Variants in TRPV4 observed in about 807,000 individuals in gnomAD.
TRPV4 encodes the protein transient receptor potential cation channel subfamily V member 4, also known as OSM9-like transient receptor potential channel 4.
TRPV4 carries 58 observed loss-of-function variants against 84.1 expected under a neutral mutation model. The ratio of observed to expected loss-of-function variants is 0.69; its 90% CI spans 0.56 to 0.86. The LOEUF is 0.86. TRPV4 is among the 40% of genes least tolerant of loss of function. TRPV4 has a pLI of 0.00. For missense variants in TRPV4, 879 were observed against 1,181.1 expected (o/e 0.74, Z 3.75); for synonymous variants, 489 against 500.9 (o/e 0.98, Z 0.32).
intron 3 of TRPV4, among the ~76,000 whole-genome samples, chr12:109,807,014 T>C (rs1311439020): frequency 1.3e-5 from 2 of 152,186 alleles, no homozygotes; most frequent in African/African-American, 4.8e-5. Context: ...CAGTGGCTCA[T>C]GCCTATAATC....
At chr12:109,818,133 C>A (rs1252451703) in intron 1 of TRPV4, among the ~76,000 whole-genome samples, 1 of 151,590 alleles carries the variant, frequency 6.6e-6, no homozygotes, top group African/African-American at 2.4e-5. Flanking sequence ...AGATTGAATC[C>A]CTCCATGGAC....
chr12:109,804,907 T>C (rs1425532799), intron 3 of TRPV4, among the ~76,000 whole-genome samples: 1 of 152,200 alleles, frequency 6.6e-6, no homozygotes, highest in East Asian at 1.9e-4. Context: ...ACAGGGTCTT[T>C]GCACCTGCTG....
At position 109,793,903 on chromosome 12, in the gene TRPV4, T is replaced by TG. The variant is rs56198703; in HGVS notation, c.1584+26dup. 7.9e-5 allele frequency: 106 copies of TG among 1,339,180 alleles called. No individual in the cohort carries two copies. The highest frequency in any genetic ancestry group is 1.0e-4 in the Non-Finnish European group (99 of 991,072). The allele number at this position is 1,339,180 out of a possible 1,614,324, so 83.0% of individuals were successfully genotyped here. On this transcript the variant is annotated intron_variant, in intron 9 of 15. Transcript: ENST00000261740. This position sits in a 1 kb window ranked among gnomAD's most constrained non-coding sequence, Gnocchi z 4.0. ...GAAGAGAAGAGGAGGGCAGGCAGGGTGGGGGGCACGGGGGCCAGGCACTTA... is the reference window on the plus strand; with the variant it reads ...GAAGAGAAGAGGAGGGCAGGCAGGGTGGGGGGGCACGGGGGCCAGGCACTTA...
At chr12:109,831,494 C>T (rs1024543423) in intron 1 of TRPV4, among the ~76,000 whole-genome samples, 20 of 152,262 alleles carry the variant, frequency 1.3e-4, no homozygotes, top group Non-Finnish European at 1.0e-4. Flanking sequence ...TGCCTTCACA[C>T]GCCTCAGGCT....
At chr12:109,792,892 C>T in intron 10 of TRPV4, 75 bp from the exon 11 acceptor site, 6 of 1,496,304 alleles carry the variant, frequency 4.0e-6, no homozygotes, top group Non-Finnish European at 4.6e-6. Flanking sequence ...GAAGACACGC[C>T]TCCAAGCCCT....
chr12:109,815,666 G>A lies in TRPV4; in HGVS notation c.-31-839C>T, dbSNP rs148079787. The stretch of plus-strand genomic sequence containing the variant: ...CCCAGGATCCATGCTCCTCTCCTCA[G>A]AAGCTTTATCCCAGCTGTTCACGGG... On this transcript the variant is annotated intron_variant, in intron 1 of 15. Transcript: ENST00000261740. The surrounding 1 kb of genome is among the most constrained non-coding windows in gnomAD (Gnocchi z 4.1). Among the ~76,000 whole-genome samples the A allele has an allele frequency of 4.8e-3, 736 of 152,336 alleles. 3 individuals are homozygous for A. The highest frequency in any genetic ancestry group is 6.8e-3 in the Non-Finnish European group (463 of 68,030).
At position 109,798,183 on chromosome 12, in the gene TRPV4, C is replaced by A. The variant is rs1194090456; in HGVS notation, c.1152+431G>T. 2.0e-5 allele frequency among the ~76,000 whole-genome samples: 3 copies of A among 152,216 alleles called. No homozygotes were observed. The highest frequency in any genetic ancestry group is 2.0e-4 in the Admixed American group (3 of 15,278). On this transcript the variant is annotated intron_variant, in intron 6 of 15. Coordinates refer to ENST00000261740, the MANE Select transcript of TRPV4 (RefSeq NM_021625.5). This position sits in a 1 kb window ranked among gnomAD's most constrained non-coding sequence, Gnocchi z 5.0. ...TGGCAATAGCACAAGACGGTCCCCA[C>A]CACAAAGAGCCTGCCGCCCAAAATA... is the stretch of plus-strand genomic sequence containing the variant.
In TRPV4 at chr12:109,814,908, C is replaced by T. The variant is rs573752603; in HGVS notation, c.-31-81G>A. ...GGAAGCCCCCTCCCACGTGGACAAGCAGCAGTGCTGCCAGCTGCTTCAAAG... is the reference window on the plus strand; with the variant it reads ...GGAAGCCCCCTCCCACGTGGACAAGTAGCAGTGCTGCCAGCTGCTTCAAAG... On this transcript the variant is annotated intron_variant, in intron 1 of 15. Coordinates refer to ENST00000261740, the MANE Select transcript of TRPV4 (RefSeq NM_021625.5). The surrounding 1 kb of genome is among the most constrained non-coding windows in gnomAD (Gnocchi z 5.4). 1 of 1,354,440 alleles carries T rather than the reference C, an allele frequency of 7.4e-7. No homozygotes were observed. The highest frequency in any genetic ancestry group is 2.5e-5 in the East Asian group (1 of 39,928). 83.9% of individuals were successfully genotyped at this position (1,354,440 alleles called of 1,614,324 possible). A position where few individuals can be genotyped will look rare whatever the true frequency, so the allele number is the denominator to read the frequency against.
intron 2 of TRPV4, among the ~76,000 whole-genome samples, chr12:109,812,270 C>CT (rs1891565772): frequency 1.3e-5 from 2 of 152,220 alleles, no homozygotes; most frequent in Admixed American, 1.3e-4. Context: ...CCAGCTAGGC[C>CT]TGGCATGGAA....
chr12:109,803,458 C>CT (rs1034397283), intron 3 of TRPV4, among the ~76,000 whole-genome samples: 28 of 151,574 alleles, frequency 1.8e-4, no homozygotes, highest in African/African-American at 2.7e-4. Flanking sequence ...TATTAATATC[C>CT]TTTTTTTTGA....
intron 6 of TRPV4, among the ~76,000 whole-genome samples, chr12:109,797,838 T>C (rs1315487168): frequency 6.6e-6 from 1 of 152,204 alleles, no homozygotes; most frequent in African/African-American, 2.4e-5. Flanking sequence ...GGCTCCTTCC[T>C]AAGAGCCTTA....
At chr12:109,809,459 T>C (rs559971248) in intron 2 of TRPV4, among the ~76,000 whole-genome samples, 8,569 of 145,316 alleles carry the variant, frequency 0.059, 397 homozygotes, top group African/African-American at 0.12. Context: ...CATCCATCCA[T>C]CCATCCATCC....
rs137886172 is a variant in TRPV4, at chr12:109,826,279, C to T, written c.-32+7071G>A. Among the ~76,000 whole-genome samples, 1,412 of 152,342 alleles carry T rather than the reference C, an allele frequency of 9.3e-3. 26 individuals are homozygous for T. The highest frequency in any genetic ancestry group is 0.032 in the African/African-American group (1,331 of 41,562). On this transcript the variant is annotated intron_variant, in intron 1 of 15. Coordinates refer to ENST00000261740, the MANE Select transcript of TRPV4 (RefSeq NM_021625.5). ...GCTCACGTGATCCACACACCTTGGC[C>T]TCCCAAAGTGTTGTGATTACAGGCG...
chr12:109,784,565 C>G, intron 14 of TRPV4, 128 bp from the exon 15 acceptor site: 1 of 1,416,850 alleles, frequency 7.1e-7, no homozygotes, highest in South Asian at 1.2e-5. Flanking sequence ...CGTGGTGGCT[C>G]ATGCCTGCAA....
rs777796349 is a variant in TRPV4, at chr12:109,796,506, GC to G, written c.1332+18del. ...CTGCCCCTCCTTCCTCACACCCCATGCCCCCTCCTGGAGCCCACCTCAATCT... is the reference window on the plus strand; with the variant it reads ...CTGCCCCTCCTTCCTCACACCCCATGCCCCTCCTGGAGCCCACCTCAATCT... On this transcript the variant is annotated intron_variant, in intron 7 of 15. Transcript: ENST00000261740. This position sits in a 1 kb window ranked among gnomAD's most constrained non-coding sequence, Gnocchi z 4.2. 6.2e-7 allele frequency: 1 copy of G among 1,613,224 alleles called. No individual in the cohort carries two copies. The highest frequency in any genetic ancestry group is 2.2e-5 in the East Asian group (1 of 44,862).
At chr12:109,804,438 T>C (rs2136572254) in intron 3 of TRPV4, among the ~76,000 whole-genome samples, 1 of 152,278 alleles carries the variant, frequency 6.6e-6, no homozygotes, top group East Asian at 1.9e-4. Flanking sequence ...ATTTCTCTGC[T>C]TAGGGTCCTT....
chr12:109,826,661 C>G (rs975075008), intron 1 of TRPV4, among the ~76,000 whole-genome samples: 9 of 152,200 alleles, frequency 5.9e-5, no homozygotes, highest in African/African-American at 1.9e-4. Flanking sequence ...TCCCTAGGAC[C>G]CCCCTTCTCA....
chr12:109,831,251 T>G (rs1016624691), intron 1 of TRPV4, among the ~76,000 whole-genome samples: 14 of 152,232 alleles, frequency 9.2e-5, no homozygotes, highest in Non-Finnish European at 1.6e-4. Flanking sequence ...GCCTGAATAC[T>G]CTTTCCTCTA....
At chr12:109,792,077 A>C (rs1048889085) in intron 12 of TRPV4, among the ~76,000 whole-genome samples, 9 of 91,828 alleles carry the variant, frequency 9.8e-5, no homozygotes, top group African/African-American at 4.3e-4. Flanking sequence ...CTAAAAATAC[A>C]AAAAAAAAAA....
Sources: gnomAD v4.1 joint callset for allele counts (sites outside exome capture counted in the v4.1 genomes callset) on GRCh38, gnomAD v4.1.1 for gene constraint, Gnocchi (gnomAD v3.1) non-coding constraint, MANE v1.5 for transcripts, NCBI Gene and HGNC (gene_info 2026-07-23, HGNC 2026-07-21) for gene names.